Variants in ZNF532 observed in about 807,000 individuals in gnomAD.
ZNF532 encodes the protein zinc finger protein 532.
In ZNF532, 22 loss-of-function variants were observed where a neutral mutation model predicts 89.3. That is an observed-to-expected ratio of 0.25 (90% CI 0.18 to 0.35). ZNF532 has a LOEUF of 0.35. Ranked by LOEUF, ZNF532 falls within the 10% of genes least tolerant of loss-of-function variation. The pLI is 1.00. For synonymous variants in ZNF532, 606 were observed against 649.6 expected (o/e 0.93, Z 1.02); for missense variants, 1,132 against 1,643.4 (o/e 0.69, Z 5.38).
At chr18:58,869,764 T>G (rs901570787) in intron 2 of ZNF532, among the ~76,000 whole-genome samples, 19 of 140,724 alleles carry the variant, frequency 1.4e-4, no homozygotes, top group African/African-American at 5.3e-4. Flanking sequence ...GAAGATCTGT[T>G]TTTTTTTTTT....
In ZNF532 at chr18:58,920,178, C is replaced by A; in HGVS notation, c.1891C>A (p.Leu631Met). 1 of 1,613,860 alleles carries A rather than the reference C, an allele frequency of 6.2e-7. No homozygotes were observed. The highest frequency in any genetic ancestry group is 8.5e-7 in the Non-Finnish European group (1 of 1,179,778). Residue 631 changes from leucine (L) to methionine (M), a missense_variant, in exon 3 of 10, where the codon CTG becomes ATG. Around this residue, in one of 9 missense-constraint regions of ZNF532, gnomAD observed 70 missense variants for 152.1 expected, o/e 0.46. Transcript: ENST00000591808. Reference sequence around the variant, plus strand: ...GGACTCCTTTGCACTTGAAAAGAGTCTGACCCAGCACTACGACAGACGGAG... The same window carrying A: ...GGACTCCTTTGCACTTGAAAAGAGTATGACCCAGCACTACGACAGACGGAG... ...CGDSFALEKS[L>M]TQHYDRRSVR...
At chr18:58,888,724 TAAATTATATATATATATTTTATATATATA>T (rs2058512089) in intron 2 of ZNF532, among the ~76,000 whole-genome samples, 1 of 37,826 alleles carries the variant, frequency 2.6e-5, no homozygotes, top group African/African-American at 1.3e-4. Flanking sequence ...TATATATATA[TAAATTATATATATATATTTTATATATATA>T]TAAAATTAAT....
At position 58,920,342 on chromosome 18, in the gene ZNF532, C is replaced by G. The variant is rs2060935606; in HGVS notation, c.2055C>G (p.Val685=). ...MQCSHLILKP[V]PADQMIVSPS... Reference sequence around the variant, plus strand: ...GCTCCCACTTAATTTTAAAGCCAGTCCCAGCAGATCAAATGATAGTTTCTC... The same window carrying G: ...GCTCCCACTTAATTTTAAAGCCAGTGCCAGCAGATCAAATGATAGTTTCTC... The change falls in exon 3 of 10, where the codon GTC becomes GTG. Residue 685 remains valine (V), a synonymous_variant. Coordinates refer to ENST00000591808, the MANE Select transcript of ZNF532 (RefSeq NM_001375912.1). 6.2e-7 allele frequency: 1 copy of G among 1,613,986 alleles called. No individual in the cohort carries two copies. Among genetic ancestry groups the G allele is most frequent in the South Asian group, 1.1e-5 (1 of 91,074 alleles).
At chr18:58,904,315 G>T (rs1400960135) in intron 2 of ZNF532, among the ~76,000 whole-genome samples, 1 of 151,260 alleles carries the variant, frequency 6.6e-6, no homozygotes, top group Non-Finnish European at 1.5e-5. Context: ...TCACGCCACT[G>T]CATGCCAGCC....
chr18:58,955,906 T>C (rs2064722674), intron 7 of ZNF532, among the ~76,000 whole-genome samples: 1 of 152,182 alleles, frequency 6.6e-6, no homozygotes, highest in Admixed American at 6.5e-5. Flanking sequence ...CAGAGTCTGA[T>C]GTGGTGGTTC....
At chr18:58,868,174 G>A (rs190722949) in intron 2 of ZNF532, among the ~76,000 whole-genome samples, 40 of 152,254 alleles carry the variant, frequency 2.6e-4, no homozygotes, top group African/African-American at 9.4e-4. Context: ...CCAACACAAG[G>A]GAAACTGACT....
At chr18:58,870,161 G>C (rs1455506950) in intron 2 of ZNF532, among the ~76,000 whole-genome samples, 1 of 150,922 alleles carries the variant, frequency 6.6e-6, no homozygotes, top group Non-Finnish European at 1.5e-5. Flanking sequence ...ATGGAGGGGA[G>C]CCCAAGAAGT....
intron 3 of ZNF532, among the ~76,000 whole-genome samples, chr18:58,923,744 CT>C (rs925776752): frequency 6.6e-6 from 1 of 152,202 alleles, no homozygotes; most frequent in Admixed American, 6.5e-5. Flanking sequence ...TGGTTTCTGT[CT>C]GAGGATGGCA....
intron 2 of ZNF532, among the ~76,000 whole-genome samples, chr18:58,913,616 A>G (rs1198445288): frequency 1.3e-5 from 2 of 151,860 alleles, no homozygotes; most frequent in Non-Finnish European, 2.9e-5. Context: ...ATATATATAT[A>G]TAAAAGAATT....
At chr18:58,977,967 A>G (rs1055900849) in intron 7 of ZNF532, among the ~76,000 whole-genome samples, 1 of 152,214 alleles carries the variant, frequency 6.6e-6, no homozygotes, top group Admixed American at 6.5e-5. Flanking sequence ...ATTTTGTTCC[A>G]TTCATGAGGC....
At chr18:58,934,235 C>T (rs891907173) in intron 3 of ZNF532, 198 bp from the exon 4 acceptor site, 22 of 519,732 alleles carry the variant, frequency 4.2e-5, no homozygotes, top group Non-Finnish European at 7.1e-5. Context: ...CTAGATAGCA[C>T]ATACTGTGAT....
intron 9 of ZNF532, among the ~76,000 whole-genome samples, chr18:58,983,360 A>T (rs756237816): frequency 1.3e-5 from 2 of 151,508 alleles, no homozygotes; most frequent in Non-Finnish European, 2.9e-5. Context: ...AAATCCTGAC[A>T]CTCTCTCCCA....
intron 6 of ZNF532, among the ~76,000 whole-genome samples, chr18:58,948,655 C>T (rs2063878995): frequency 6.6e-6 from 1 of 151,382 alleles, no homozygotes; most frequent in African/African-American, 2.4e-5. Context: ...GCAACCTCCG[C>T]CTCCCAGGTT....
intron 2 of ZNF532, among the ~76,000 whole-genome samples, chr18:58,911,058 A>G (rs2060253404): frequency 1.3e-5 from 2 of 152,116 alleles, no homozygotes; most frequent in Admixed American, 6.5e-5. Context: ...CTGGATTTCA[A>G]TGGTGGTTTT....
intron 7 of ZNF532, among the ~76,000 whole-genome samples, chr18:58,954,721 T>TG (rs1416966144): frequency 4.7e-4 from 66 of 141,354 alleles, no homozygotes; most frequent in South Asian, 1.4e-3. Context: ...CTTTTTTTTT[T>TG]TTTTTTTTTG....
chr18:58,881,556 C>T (rs1010264185), intron 2 of ZNF532, among the ~76,000 whole-genome samples: 6 of 152,216 alleles, frequency 3.9e-5, no homozygotes, highest in African/African-American at 1.2e-4. Flanking sequence ...TTGTTATCAC[C>T]TATGGAAGTT....
At chr18:58,981,359 T>C in intron 8 of ZNF532, 111 bp from the exon 9 acceptor site, 3 of 1,404,256 alleles carry the variant, frequency 2.1e-6, no homozygotes, top group East Asian at 2.3e-5. Context: ...ACTCAGCTTA[T>C]TGGACCTGTC....
intron 2 of ZNF532, among the ~76,000 whole-genome samples, chr18:58,911,686 C>G (rs574340718): frequency 1.6e-4 from 25 of 152,250 alleles, no homozygotes; most frequent in Non-Finnish European, 3.5e-4. Flanking sequence ...GGTCCTGTGT[C>G]AAAGGAAAGA....
At chr18:58,873,562 C>A (rs1267696339) in intron 2 of ZNF532, among the ~76,000 whole-genome samples, 1 of 152,076 alleles carries the variant, frequency 6.6e-6, no homozygotes, top group African/African-American at 2.4e-5. Context: ...AGTTCTCCTG[C>A]CTCAGCCTCC....
Sources: gnomAD v4.1 joint callset for allele counts (sites outside exome capture counted in the v4.1 genomes callset) on GRCh38, gnomAD v4.1.1 for gene constraint, gnomAD v4.1.1 regional missense constraint, MANE v1.5 for transcripts, NCBI Gene and HGNC (gene_info 2026-07-23, HGNC 2026-07-21) for gene names.